HRH1: variants seen among roughly 807,000 people sequenced by gnomAD.
HRH1 encodes histamine H1 receptor.
In HRH1, 6 loss-of-function variants were observed where a neutral mutation model predicts 10.3. The observed-to-expected ratio is 0.58, with a 90% confidence interval of 0.32 to 1.15. The LOEUF is 1.15. Ranked by LOEUF, HRH1 falls within the 50% of genes most tolerant of loss-of-function variation. HRH1 has a pLI of 0.05. For missense variants in HRH1, 514 were observed against 615.3 expected, an observed-to-expected ratio of 0.84 and a Z score of 1.74; for synonymous variants, 242 against 236.7, an observed-to-expected ratio of 1.02 and a Z score of -0.21.
At chr3:11,175,119 G>A (rs548919494) in intron 1 of HRH1, among the ~76,000 whole-genome samples, 1 of 152,270 alleles carries the variant, frequency 6.6e-6, no homozygotes, top group South Asian at 2.1e-4. Context: ...GGCTTGGTCA[G>A]GTCTCAGGGT....
intron 1 of HRH1, among the ~76,000 whole-genome samples, chr3:11,186,938 G>A (rs1937460396): frequency 6.6e-6 from 1 of 152,150 alleles, no homozygotes; most frequent in South Asian, 2.1e-4. Flanking sequence ...GAACCACCTG[G>A]AAAATATTAA....
intron 1 of HRH1, among the ~76,000 whole-genome samples, chr3:11,196,545 A>G (rs1000575783): frequency 5.3e-5 from 8 of 151,964 alleles, no homozygotes; most frequent in Non-Finnish European, 8.8e-5. Flanking sequence ...CTCCTCTTCA[A>G]CTGCTCACTC....
At chr3:11,253,443 T>C (rs1462818210) in intron 1 of HRH1, among the ~76,000 whole-genome samples, 5 of 152,228 alleles carry the variant, frequency 3.3e-5, no homozygotes, top group Non-Finnish European at 2.9e-5. Context: ...TCGCCAGCTA[T>C]TGGTGACAAA....
rs1939976983 is a variant in HRH1, at chr3:11,262,338, C to G, written c.*1837C>G. ...TTTCTACCTTTCTGAGTCTCTTGGA[C>G]TAAGAAGATGTTTTGAAATGTACCA... is the stretch of plus-strand genomic sequence containing the variant. On this transcript the variant is annotated 3_prime_UTR_variant, in exon 2 of 2. Coordinates refer to ENST00000431010, the MANE Select transcript of HRH1 (RefSeq NM_001098212.2). 6.0e-6 allele frequency: 1 copy of G among 167,030 alleles called. No individual in the cohort carries two copies. Among genetic ancestry groups the G allele is most frequent in the South Asian group, 2.1e-4 (1 of 4,832 alleles). The allele number at this position is 167,030 out of a possible 1,614,324, so 10.3% of individuals were successfully genotyped here. A position where few individuals can be genotyped will look rare whatever the true frequency, so the allele number is the denominator to read the frequency against.
chr3:11,162,459 C>T (rs1258115283), intron 1 of HRH1, among the ~76,000 whole-genome samples: 1 of 123,460 alleles, frequency 8.1e-6, no homozygotes, highest in East Asian at 2.8e-4. Context: ...CTTTCTGACC[C>T]TCCTGTCCTG....
intron 1 of HRH1, among the ~76,000 whole-genome samples, chr3:11,257,954 G>T (rs973297078): frequency 6.6e-6 from 1 of 152,094 alleles, no homozygotes; most frequent in Admixed American, 6.6e-5. Context: ...TGGGATTATG[G>T]GTGTGAGCCA....
chr3:11,153,725 C>T (rs1395179258), upstream of HRH1, among the ~76,000 whole-genome samples: 2 of 152,012 alleles, frequency 1.3e-5, no homozygotes, highest in East Asian at 3.9e-4. Context: ...TTGCCAGGGA[C>T]AGAGGTTCCC....
At chr3:11,139,426 CCTG>C (rs1559248303) in intron 1 of HRH1, among the ~76,000 whole-genome samples, 1 of 151,998 alleles carries the variant, frequency 6.6e-6, no homozygotes. Flanking sequence ...ATTACAGGCG[CCTG>C]CCACCACGCC....
intron 1 of HRH1, among the ~76,000 whole-genome samples, chr3:11,159,389 A>G (rs2125007642): frequency 6.6e-6 from 1 of 152,330 alleles, no homozygotes; most frequent in Admixed American, 6.5e-5. Flanking sequence ...GTTCCTTTCT[A>G]TTCCCAGTTT....
At chr3:11,161,931 C>G (rs544307127) in intron 1 of HRH1, among the ~76,000 whole-genome samples, 2 of 152,110 alleles carry the variant, frequency 1.3e-5, no homozygotes, top group Non-Finnish European at 2.9e-5. Context: ...CTGTACCAAT[C>G]GAGAATGAAG....
rs909741024 is a variant in HRH1, at chr3:11,163,651, T to C, written c.-36+9097T>C. On this transcript the variant is annotated intron_variant, in intron 1 of 1. Transcript: ENST00000431010. ...AAGGCTAATATGTCAAATGTGCTAG[T>C]CCAGTGCTGCTCCTAGTAGCATCCA... 5.9e-5 allele frequency among the ~76,000 whole-genome samples: 9 copies of C among 152,304 alleles called. 2 individuals are homozygous for C. Among genetic ancestry groups the C allele is most frequent in the Admixed American group, 5.9e-4 (9 of 15,306 alleles).
chr3:11,262,766 C>A lies in HRH1; in HGVS notation c.*2265C>A, dbSNP rs1939989629. The stretch of plus-strand genomic sequence containing the variant: ...CAGAGAGACCTGGATTTGAGTCTGA[C>A]AAGAACAAGAAATGGTCAATAAATA... On this transcript the variant is annotated 3_prime_UTR_variant, in exon 2 of 2. Coordinates refer to ENST00000431010, the MANE Select transcript of HRH1 (RefSeq NM_001098212.2). The A allele has an allele frequency of 6.0e-6, 1 of 167,012 alleles. No individual in the cohort carries two copies. The highest frequency in any genetic ancestry group is 1.5e-5 in the Non-Finnish European group (1 of 68,120). The allele number at this position is 167,012 out of a possible 1,614,324, so 10.3% of individuals were successfully genotyped here.
At chr3:11,242,676 G>T (rs1385550399) in intron 1 of HRH1, among the ~76,000 whole-genome samples, 1 of 151,894 alleles carries the variant, frequency 6.6e-6, no homozygotes, top group Non-Finnish European at 1.5e-5. Context: ...TGCAGTGAGC[G>T]TCTTTGTGCA....
chr3:11,163,829 T>C (rs1298838469), intron 1 of HRH1, among the ~76,000 whole-genome samples: 1 of 152,164 alleles, frequency 6.6e-6, no homozygotes, highest in Non-Finnish European at 1.5e-5. Flanking sequence ...AGGTATTCTC[T>C]TCCAGGAAGT....
chr3:11,259,893 C>G lies in HRH1; in HGVS notation c.856C>G (p.Pro286Ala), dbSNP rs373661540. The change falls in exon 2 of 2, where the codon CCA (proline) becomes GCA (alanine). Residue 286 changes from proline to alanine, a missense_variant. Coordinates refer to ENST00000431010, the MANE Select transcript of HRH1 (RefSeq NM_001098212.2). This position sits in a 1 kb window ranked among gnomAD's most constrained non-coding sequence, Gnocchi z 4.6. ...PSQTPKEMKS[P>A]VVFSQEDDRE... Reference sequence around the variant, plus strand: ...CCAAACCCCCAAGGAGATGAAATCCCCAGTTGTCTTCAGCCAAGAGGATGA... The same window carrying G: ...CCAAACCCCCAAGGAGATGAAATCCGCAGTTGTCTTCAGCCAAGAGGATGA... 7 of 1,613,932 alleles carry G rather than the reference C, an allele frequency of 4.3e-6. No individual in the cohort carries two copies. The African/African-American group carries it at 9.3e-5, about 22-fold the overall frequency.
chr3:11,218,955 A>C (rs1219614169), intron 1 of HRH1, among the ~76,000 whole-genome samples: 2 of 152,036 alleles, frequency 1.3e-5, no homozygotes, highest in African/African-American at 4.8e-5. Context: ...CCGTGGCGTG[A>C]TCTCGGCTCA....
chr3:11,161,164 G>A (rs1936914969), intron 1 of HRH1, among the ~76,000 whole-genome samples: 1 of 152,220 alleles, frequency 6.6e-6, no homozygotes, highest in African/African-American at 2.4e-5. Context: ...GAGAGCCTTT[G>A]ATGTGGTTCA....
intron 1 of HRH1, among the ~76,000 whole-genome samples, chr3:11,240,647 G>GGGTT (rs149931552): frequency 6.6e-6 from 1 of 151,852 alleles, no homozygotes; most frequent in African/African-American, 2.4e-5. Flanking sequence ...TCTTAAGCCA[G>GGGTT]AACTCCTCCA....
chr3:11,258,890 G>T, intron 1 of HRH1, 113 bp from the exon 2 acceptor site: 1 of 671,586 alleles, frequency 1.5e-6, no homozygotes, highest in Non-Finnish European at 2.5e-6. Context: ...TAGGTAACCA[G>T]CAGTGTTGAT....
Sources: gnomAD v4.1 joint callset for allele counts (sites outside exome capture counted in the v4.1 genomes callset) on GRCh38, gnomAD v4.1.1 for gene constraint, Gnocchi (gnomAD v3.1) non-coding constraint, MANE v1.5 for transcripts, NCBI Gene and HGNC (gene_info 2026-07-23, HGNC 2026-07-21) for gene names.